EPC1: variants seen among roughly 807,000 people sequenced by gnomAD.
The protein encoded by EPC1 is enhancer of polycomb homolog 1.
Under a neutral mutation model 98.4 loss-of-function variants are expected in EPC1, and 12 were observed. That is an observed-to-expected ratio of 0.12 (90% CI 0.08 to 0.20). EPC1 has a LOEUF of 0.20. Among genes scored for constraint, EPC1 ranks in the 10% least tolerant of loss-of-function variants. EPC1 has a pLI of 1.00. For missense variants in EPC1, 729 were observed against 990.5 expected, an observed-to-expected ratio of 0.74 and a Z score of 3.54; for synonymous variants, 357 against 363.9, an observed-to-expected ratio of 0.98 and a Z score of 0.21.
intron 1 of EPC1, among the ~76,000 whole-genome samples, chr10:32,364,001 CATTTTTTTTTTTTTTTTT>C (rs1220137478): frequency 1.6e-5 from 1 of 61,840 alleles, no homozygotes; most frequent in Non-Finnish European, 3.1e-5. Flanking sequence ...ATCATGTTGG[CATTTTTTTTTTTTTTTTT>C]TTTTTTTTTT....
At chr10:32,351,514 C>T (rs1183568692), upstream of EPC1, among the ~76,000 whole-genome samples, 1 of 151,642 alleles carries the variant, frequency 6.6e-6, no homozygotes, top group Non-Finnish European at 1.5e-5. Context: ...AAAAATTAGC[C>T]AGGCATGGTG....
At chr10:32,345,445 G>C in intron 1 of EPC1, 2 of 985,162 alleles carry the variant, frequency 2.0e-6, no homozygotes, top group Non-Finnish European at 2.4e-6. Flanking sequence ...AATTCTTACA[G>C]TACCAAGAGA....
chr10:32,337,038 T>C (rs1838016726), intron 1 of EPC1, among the ~76,000 whole-genome samples: 1 of 152,252 alleles, frequency 6.6e-6, no homozygotes, highest in African/African-American at 2.4e-5. Flanking sequence ...TGATAATTTT[T>C]TATTGGATGC....
chr10:32,329,061 T>A (rs1050169551), intron 1 of EPC1, among the ~76,000 whole-genome samples: 7 of 152,240 alleles, frequency 4.6e-5, no homozygotes, highest in Non-Finnish European at 7.3e-5. Context: ...TTGGCCTACT[T>A]GTTAATGTGG....
At chr10:32,324,734 C>T (rs1837163589) in intron 1 of EPC1, among the ~76,000 whole-genome samples, 1 of 152,094 alleles carries the variant, frequency 6.6e-6, no homozygotes, top group Admixed American at 6.5e-5. Flanking sequence ...TGGCTCAAGA[C>T]TGTAATCCCA....
At chr10:32,289,364 GT>G (rs927874276) in intron 6 of EPC1, among the ~76,000 whole-genome samples, 3 of 126,958 alleles carry the variant, frequency 2.4e-5, no homozygotes, top group Non-Finnish European at 4.8e-5. Flanking sequence ...AAAAGTCCAT[GT>G]TTTTTCACAA....
rs375587470 is a variant in EPC1 at position 32,371,858 on chromosome 10, G to A, written c.3+6633C>T. On this transcript the variant is annotated intron_variant, in intron 1 of 13. Transcript: ENST00000375110. The stretch of plus-strand genomic sequence containing the variant: ...GCGGAGTTTGCAGTGAGCCAAGATC[G>A]AGCCACTGCACTTCAGACTGGGCAG... 5.9e-5 allele frequency among the ~76,000 whole-genome samples: 9 copies of A among 152,172 alleles called. No homozygotes were observed. In the South Asian group the frequency reaches 1.0e-3, roughly 18 times the overall value.
intron 2 of EPC1, among the ~76,000 whole-genome samples, chr10:32,298,902 CT>C (rs1296379327): frequency 6.6e-6 from 1 of 152,032 alleles, no homozygotes; most frequent in African/African-American, 2.4e-5. Context: ...GACAGGATAT[CT>C]GTTCTGAGAG....
chr10:32,322,517 T>G (rs1048322907), intron 1 of EPC1, among the ~76,000 whole-genome samples: 4 of 152,204 alleles, frequency 2.6e-5, no homozygotes, highest in Non-Finnish European at 4.4e-5. Flanking sequence ...TAGACTAAAT[T>G]TGACCATGCA....
chr10:32,350,749 CA>C (rs1297629541), upstream of EPC1, among the ~76,000 whole-genome samples: 1 of 152,150 alleles, frequency 6.6e-6, no homozygotes, highest in Non-Finnish European at 1.5e-5. Flanking sequence ...TTCTACTTAA[CA>C]AAAACTTAGA....
At chr10:32,355,607 C>CTTTTTT (rs542748610) in intron 1 of EPC1, among the ~76,000 whole-genome samples, 2 of 72,848 alleles carry the variant, frequency 2.7e-5, no homozygotes, top group African/African-American at 9.0e-5. Context: ...GTGCCTTACC[C>CTTTTTT]TTTTTTTTTT....
intron 1 of EPC1, among the ~76,000 whole-genome samples, chr10:32,369,260 G>A (rs1381419136): frequency 6.6e-6 from 1 of 152,138 alleles, no homozygotes; most frequent in Non-Finnish European, 1.5e-5. Flanking sequence ...AGATATAAAA[G>A]ACAGCTACAT....
rs561757781 is a variant in EPC1 at position 32,288,961 on chromosome 10, C to T, written c.976-1687G>A. ...AAAATTAGCCAGGCGTGGTGGCATG[C>T]GCCTGTAGTCCCAGCTATTTGGGAG... On this transcript the variant is annotated intron_variant, in intron 6 of 13. Coordinates refer to ENST00000319778, the MANE Select transcript of EPC1 (RefSeq NM_001272004.3). 2.4e-4 allele frequency among the ~76,000 whole-genome samples: 37 copies of T among 151,950 alleles called. No individual in the cohort carries two copies. In the East Asian group the frequency reaches 4.3e-3, roughly 18 times the overall value.
intron 1 of EPC1, among the ~76,000 whole-genome samples, chr10:32,327,327 A>C (rs1049737380): frequency 7.2e-5 from 11 of 152,318 alleles, no homozygotes; most frequent in Admixed American, 3.9e-4. Context: ...GGAAACAGGA[A>C]GAAGTTGGTC....
At chr10:32,366,151 G>A (rs760560217) in intron 1 of EPC1, among the ~76,000 whole-genome samples, 9 of 152,006 alleles carry the variant, frequency 5.9e-5, no homozygotes, top group Non-Finnish European at 8.8e-5. Flanking sequence ...CAACAACAAC[G>A]ACCACGAGTA....
At chr10:32,307,645 A>C (rs139527354) in intron 1 of EPC1, among the ~76,000 whole-genome samples, 16 of 152,314 alleles carry the variant, frequency 1.1e-4, no homozygotes, top group African/African-American at 3.8e-4. Flanking sequence ...TGGGGAAAAC[A>C]GTGTCACTAA....
intron 2 of EPC1, among the ~76,000 whole-genome samples, chr10:32,303,791 A>T (rs1835715696): frequency 6.6e-6 from 1 of 152,250 alleles, no homozygotes; most frequent in African/African-American, 2.4e-5. Context: ...TATGTGGTAC[A>T]CATCTAACTG....
intron 1 of EPC1, among the ~76,000 whole-genome samples, chr10:32,322,255 G>A (rs966490869): frequency 6.6e-5 from 10 of 152,010 alleles, no homozygotes; most frequent in African/African-American, 2.2e-4. Flanking sequence ...AAATTTGTTA[G>A]TTCTTCCTCT....
chr10:32,291,555 G>A (rs910474381), intron 5 of EPC1: 4 of 304,264 alleles, frequency 1.3e-5, no homozygotes, highest in African/African-American at 8.6e-5. Context: ...TAGGTCTCCA[G>A]AATGTATTCA....
Sources: allele counts gnomAD v4.1 joint callset (sites outside exome capture counted in the v4.1 genomes callset), GRCh38; gene constraint gnomAD v4.1.1; transcripts MANE v1.5; gene names NCBI Gene and HGNC (gene_info 2026-07-23, HGNC 2026-07-21).